C12orf76: variants seen among roughly 807,000 people sequenced by gnomAD.
C12orf76 encodes the protein uncharacterized protein C12orf76.
A neutral mutation model predicts 6.8 loss-of-function variants in C12orf76; 6 were observed. The ratio of observed to expected loss-of-function variants is 0.88; its 90% CI spans 0.48 to 1.73. C12orf76 has a LOEUF of 1.73. Among genes scored for constraint, C12orf76 ranks in the 40% most tolerant of loss-of-function variants. The probability of loss-of-function intolerance (pLI) is 0.01; values close to 1 mark genes in which losing one functional copy is unlikely to be tolerated. For synonymous variants in C12orf76, 56 were observed against 43.7 expected (o/e 1.28, Z -1.11); for missense variants, 99 against 98.2 (o/e 1.01, Z -0.03).
In C12orf76 at chr12:110,066,440, C is replaced by A. The variant is rs968249036; in HGVS notation, n.207-407G>T. 5.0e-5 allele frequency among the ~76,000 whole-genome samples: 7 copies of A among 139,086 alleles called. No individual in the cohort carries two copies. The South Asian group carries it at 1.4e-3, about 27-fold the overall frequency. 91.2% of individuals were successfully genotyped at this position (139,086 alleles called of 152,430 possible). The stretch of plus-strand genomic sequence containing the variant: ...CGGTGGCTCACGCCTGTAATCCCAG[C>A]ACTTTGGGAGGCCGAGGCCAGCAGA... On this transcript the variant is annotated intron_variant and non_coding_transcript_variant, in intron 1 of 4. Coordinates refer to the C12orf76 transcript ENST00000309050.
upstream of C12orf76, among the ~76,000 whole-genome samples, chr12:110,051,578 C>A (rs781149177): frequency 7.9e-5 from 12 of 152,182 alleles, no homozygotes; most frequent in Non-Finnish European, 1.6e-4. Context: ...AGGCGCACGC[C>A]ACCACACCAG....
chr12:110,053,922 A>G (rs1457121039), upstream of C12orf76, among the ~76,000 whole-genome samples: 1 of 152,078 alleles, frequency 6.6e-6, no homozygotes, highest in Non-Finnish European at 1.5e-5. Flanking sequence ...TGTCTTGACG[A>G]AAAATACAAA....
At chr12:110,066,406 G>C (rs777355579) in intron 1 of C12orf76, among the ~76,000 whole-genome samples, 1 of 116,184 alleles carries the variant, frequency 8.6e-6, no homozygotes, top group Non-Finnish European at 1.7e-5. Context: ...AAAAAAAAAC[G>C]GCTGGGCGCG....
chr12:110,065,876 C>T (rs1892850560), exon 2 of C12orf76: 1 of 1,614,070 alleles, frequency 6.2e-7, no homozygotes, highest in African/African-American at 1.3e-5. Flanking sequence ...CTGGAACATG[C>T]TGTCCTTGCT....
At chr12:110,052,081 A>G (rs533022318), upstream of C12orf76, among the ~76,000 whole-genome samples, 19 of 149,508 alleles carry the variant, frequency 1.3e-4, no homozygotes, top group Non-Finnish European at 2.4e-4. Context: ...TTTTTTTAGT[A>G]GAGACGGGGT....
At chr12:110,054,083 T>A (rs1203714232), upstream of C12orf76, among the ~76,000 whole-genome samples, 1 of 151,848 alleles carries the variant, frequency 6.6e-6, no homozygotes, top group Non-Finnish European at 1.5e-5. This position sits in a 1 kb window ranked among gnomAD's most constrained non-coding sequence, Gnocchi z 4.4. Flanking sequence ...TCAAAAAAAA[T>A]AATAAAATAA....
chr12:110,057,481 CTT>C (rs1468485162), intron 3 of C12orf76, among the ~76,000 whole-genome samples: 1 of 152,128 alleles, frequency 6.6e-6, no homozygotes, highest in Non-Finnish European at 1.5e-5. Flanking sequence ...CTCTGCTTCT[CTT>C]TTTTAAAATC....
At position 110,042,239 on chromosome 12, in the gene C12orf76, C is replaced by A; in HGVS notation, c.*135G>T. On this transcript the variant is annotated 3_prime_UTR_variant, in exon 2 of 2. Coordinates refer to ENST00000615315, the MANE Select transcript of C12orf76 (RefSeq NM_001389625.1). ...GTCTAGTACATGTTTTCTTCTAATT[C>A]ATTTAGCATTTACCAACTGTCCAGA... 1.6e-5 allele frequency: 11 copies of A among 673,678 alleles called. No homozygotes were observed. Among genetic ancestry groups the A allele is most frequent in the South Asian group, 3.3e-5 (2 of 59,994 alleles). The allele number at this position is 673,678 out of a possible 1,614,324, so 41.7% of individuals were successfully genotyped here.
upstream of C12orf76, among the ~76,000 whole-genome samples, chr12:110,070,106 C>G (rs1007482445): frequency 6.6e-6 from 1 of 151,464 alleles, no homozygotes; most frequent in Non-Finnish European, 1.5e-5. Flanking sequence ...AAAAAATTAG[C>G]TGGGCGTGGT....
chr12:110,070,927 A>G (rs1422418953), upstream of C12orf76, among the ~76,000 whole-genome samples: 1 of 151,828 alleles, frequency 6.6e-6, no homozygotes, highest in African/African-American at 2.4e-5. Flanking sequence ...GACACACACT[A>G]CCCCGCCCAA....
chr12:110,066,361 T>C (rs1892859103), intron 1 of C12orf76, among the ~76,000 whole-genome samples: 3 of 72,136 alleles, frequency 4.2e-5, no homozygotes, highest in African/African-American at 1.2e-4. Flanking sequence ...AAAGCAAGAC[T>C]CCATCTAAAA....
intron 2 of C12orf76, among the ~76,000 whole-genome samples, chr12:110,065,401 C>T (rs902638446): frequency 6.6e-6 from 1 of 152,050 alleles, no homozygotes; most frequent in African/African-American, 2.4e-5. Flanking sequence ...GAACTCTTGA[C>T]CTCAGGTGAT....
upstream of C12orf76, among the ~76,000 whole-genome samples, chr12:110,068,078 TG>T (rs1892895666): frequency 6.6e-6 from 1 of 151,578 alleles, no homozygotes; most frequent in South Asian, 2.1e-4. Context: ...CTGGGCGTAG[TG>T]GGGCATGCCA....
At chr12:110,050,504 T>C (rs1192737743), upstream of C12orf76, 1 of 160,056 alleles carries the variant, frequency 6.2e-6, no homozygotes, top group African/African-American at 2.4e-5. Flanking sequence ...ACCTTGCTGA[T>C]AAAACAGGTT....
intron 4 of C12orf76, among the ~76,000 whole-genome samples, chr12:110,056,267 C>G (rs1291355441): frequency 1.3e-5 from 2 of 152,154 alleles, no homozygotes; most frequent in Non-Finnish European, 2.9e-5. Flanking sequence ...CTAAGGCAAG[C>G]CATGTCACCC....
At chr12:110,069,097 G>A (rs1365801849), upstream of C12orf76, among the ~76,000 whole-genome samples, 1 of 152,170 alleles carries the variant, frequency 6.6e-6, no homozygotes, top group Non-Finnish European at 1.5e-5. Flanking sequence ...AAACTGTGGA[G>A]AAACGTTTTA....
intron 4 of C12orf76, among the ~76,000 whole-genome samples, chr12:110,055,019 G>T (rs1892645303): frequency 6.6e-6 from 1 of 152,132 alleles, no homozygotes. Flanking sequence ...TGAAGGATGA[G>T]TTTGCAGGGA....
At chr12:110,061,821 C>T (rs1242783510) in intron 2 of C12orf76, among the ~76,000 whole-genome samples, 2 of 151,804 alleles carry the variant, frequency 1.3e-5, no homozygotes, top group Admixed American at 6.6e-5. Flanking sequence ...CAGGTGTGAG[C>T]CACCACTCCC....
chr12:110,060,063 C>G (rs1333753950), intron 2 of C12orf76, among the ~76,000 whole-genome samples: 3 of 152,092 alleles, frequency 2.0e-5, no homozygotes, highest in African/African-American at 7.2e-5. Flanking sequence ...CATTTCTCTA[C>G]TAAAAATACA....
Sources: gnomAD v4.1 joint callset for allele counts (sites outside exome capture counted in the v4.1 genomes callset) on GRCh38, gnomAD v4.1.1 for gene constraint, Gnocchi (gnomAD v3.1) non-coding constraint, MANE v1.5 for transcripts, NCBI Gene and HGNC (gene_info 2026-07-23, HGNC 2026-07-21) for gene names.